Variants in MED12L observed in about 807,000 individuals in gnomAD.
The protein encoded by MED12L is mediator complex subunit 12L.
In MED12L, 60 loss-of-function variants were observed where a neutral mutation model predicts 281.3. The ratio of observed to expected loss-of-function variants is 0.21; its 90% CI spans 0.17 to 0.26. MED12L has a LOEUF of 0.26. Ranked by LOEUF, MED12L falls within the 10% of genes least tolerant of loss-of-function variation. The pLI is 1.00. For missense variants in MED12L, 2,146 were observed against 2,680.9 expected, an observed-to-expected ratio of 0.80 and a Z score of 4.41; for synonymous variants, 974 against 987.2, an observed-to-expected ratio of 0.99 and a Z score of 0.25.
chr3:151,287,996 C>G (rs1743762415), intron 16 of MED12L, among the ~76,000 whole-genome samples: 1 of 152,172 alleles, frequency 6.6e-6, no homozygotes, highest in South Asian at 2.1e-4. Flanking sequence ...TATCCCTTCC[C>G]AAATTTGGTT....
chr3:151,294,066 T>G, intron 16 of MED12L: 1 of 749,028 alleles, frequency 1.3e-6, no homozygotes, highest in East Asian at 2.5e-5. Flanking sequence ...TCATATCATT[T>G]TAGTTCTTTG....
Position 151,394,545 on chromosome 3 carries a change from A to T in MED12L, c.5609-111A>T, listed in dbSNP as rs1577550148. 3.3e-6 allele frequency: 5 copies of T among 1,516,176 alleles called. No homozygotes were observed. In the Admixed American group the frequency reaches 8.6e-5, roughly 26 times the overall value. The allele number at this position is 1,516,176 out of a possible 1,614,324, so 93.9% of individuals were successfully genotyped here. On this transcript the variant is annotated intron_variant, in intron 38 of 44. Coordinates refer to ENST00000687756, the MANE Select transcript of MED12L (RefSeq NM_001393769.1). ...CAGGTGGGACAGTGCATTTTTTTCT[A>T]CTTTGTTCATAAAGTGAGACTTAGA...
intron 14 of MED12L, among the ~76,000 whole-genome samples, chr3:151,191,201 T>C (rs928532730): frequency 1.3e-5 from 2 of 152,236 alleles, no homozygotes; most frequent in Non-Finnish European, 2.9e-5. Flanking sequence ...TTATATACTT[T>C]CAGTTCTAGA....
At chr3:151,340,292 A>C (rs144825964) in intron 16 of MED12L, among the ~76,000 whole-genome samples, 3 of 152,304 alleles carry the variant, frequency 2.0e-5, no homozygotes, top group African/African-American at 7.2e-5. Flanking sequence ...TATTCTTGAC[A>C]TTGAGAATTT....
intron 5 of MED12L, among the ~76,000 whole-genome samples, chr3:151,148,812 G>T (rs1718078528): frequency 6.6e-6 from 1 of 152,094 alleles, no homozygotes; most frequent in Non-Finnish European, 1.5e-5. Flanking sequence ...TTTCATATAT[G>T]GTTATATAAA....
Position 151,375,615 on chromosome 3 carries a change from A to G in MED12L, c.3865-411A>G, listed in dbSNP as rs145409089. Among the ~76,000 whole-genome samples, 22 of 152,306 alleles carry G rather than the reference A, an allele frequency of 1.4e-4. 1 individual carries two copies. In the East Asian group the frequency reaches 4.2e-3, roughly 29 times the overall value. Reference sequence around the variant, plus strand: ...GAAGATCGTTTTCTAAATATTTGTTATACTATGTTGTATCTAGTCAGTGAG... The same window carrying G: ...GAAGATCGTTTTCTAAATATTTGTTGTACTATGTTGTATCTAGTCAGTGAG... On this transcript the variant is annotated intron_variant, in intron 27 of 44. Coordinates refer to ENST00000687756, the MANE Select transcript of MED12L (RefSeq NM_001393769.1).
chr3:151,246,475 CAACTCT>C (rs1296192995), intron 16 of MED12L, among the ~76,000 whole-genome samples: 1 of 152,078 alleles, frequency 6.6e-6, no homozygotes, highest in African/African-American at 2.4e-5. Context: ...CGCATATCTA[CAACTCT>C]CTGATCTTTG....
chr3:151,317,742 G>A lies in MED12L; in HGVS notation c.2251-32317G>A, dbSNP rs1031436441. ...TGGGATTACATGTGTGAGCCACTGC[G>A]CCCGGCCACTTTTTCTGATTTGTAA... On this transcript the variant is annotated intron_variant, in intron 16 of 44. Coordinates refer to ENST00000687756, the MANE Select transcript of MED12L (RefSeq NM_001393769.1). Among the ~76,000 whole-genome samples the A allele has an allele frequency of 4.6e-5, 7 of 151,892 alleles. No individual in the cohort carries two copies. The East Asian group carries it at 1.2e-3, about 25-fold the overall frequency.
At chr3:151,379,052 A>G (rs1711731766) in intron 31 of MED12L, among the ~76,000 whole-genome samples, 1 of 152,258 alleles carries the variant, frequency 6.6e-6, no homozygotes, top group Non-Finnish European at 1.5e-5. Flanking sequence ...TAAATCCAGG[A>G]GGTCTGGCTT....
At chr3:151,359,757 C>G (rs147218021) in intron 20 of MED12L, among the ~76,000 whole-genome samples, 2 of 152,108 alleles carry the variant, frequency 1.3e-5, no homozygotes, top group African/African-American at 4.8e-5. Flanking sequence ...ATGGCTGAGC[C>G]CTGTAACAAA....
Position 151,376,231 on chromosome 3 carries a change from T to C in MED12L, c.4053+17T>C, listed in dbSNP as rs1450113973. ...ATTCTTCAGGTCAGTCGTATACAGA[T>C]TGTGTTTCTGTCATTTGATAAATTC... On this transcript the variant is annotated intron_variant, in intron 28 of 44. Transcript: ENST00000687756. 2 of 1,391,332 alleles carry C rather than the reference T, an allele frequency of 1.4e-6. No individual in the cohort carries two copies. The highest frequency in any genetic ancestry group is 1.9e-6 in the Non-Finnish European group (2 of 1,062,588). The allele number at this position is 1,391,332 out of a possible 1,614,324, so 86.2% of individuals were successfully genotyped here.
intron 16 of MED12L, among the ~76,000 whole-genome samples, chr3:151,333,849 A>G (rs1347091368): frequency 6.6e-6 from 1 of 151,984 alleles, no homozygotes; most frequent in Non-Finnish European, 1.5e-5. Flanking sequence ...GGAGGCCAAG[A>G]TGAGTGGATC....
Position 151,376,123 on chromosome 3 carries a change from A to G in MED12L, c.3962A>G (p.Lys1321Arg), listed in dbSNP as rs1756821548. The change falls in exon 28 of 45, where the codon AAA becomes AGA. Residue 1321 changes from lysine (K) to arginine (R), a missense_variant. By Grantham distance (26) the Lys-to-Arg change is conservative. Transcript: ENST00000687756. ...DPVLSNMQAQ[K>R]LLQLICYPHG... ...GTGCTTTCAAATATGCAAGCACAGA[A>G]ATTACTGCAGCTTATCTGTTATCCT... 1 of 1,611,280 alleles carries G rather than the reference A, an allele frequency of 6.2e-7. No homozygotes were observed. Among genetic ancestry groups the G allele is most frequent in the Non-Finnish European group, 8.5e-7 (1 of 1,178,984 alleles).
At chr3:151,112,948 A>G (rs1204713537) in intron 2 of MED12L, among the ~76,000 whole-genome samples, 3 of 152,230 alleles carry the variant, frequency 2.0e-5, no homozygotes, top group Non-Finnish European at 2.9e-5. Flanking sequence ...CAGGCACTGC[A>G]TCTGTGCACT....
At chr3:151,399,172 GTACT>G (rs1341735123) in intron 39 of MED12L, among the ~76,000 whole-genome samples, 1 of 152,104 alleles carries the variant, frequency 6.6e-6, no homozygotes, top group African/African-American at 2.4e-5. Flanking sequence ...ATACTATACT[GTACT>G]TACTTTATAG....
chr3:151,341,753 G>A (rs1751858783), intron 16 of MED12L, among the ~76,000 whole-genome samples: 1 of 133,482 alleles, frequency 7.5e-6, no homozygotes, highest in South Asian at 2.5e-4. Flanking sequence ...ACAGTCCCCA[G>A]AGTGTAGTGT....
chr3:151,322,490 T>C (rs1207754537), intron 16 of MED12L, among the ~76,000 whole-genome samples: 3 of 152,026 alleles, frequency 2.0e-5, no homozygotes, highest in Non-Finnish European at 2.9e-5. Context: ...AGCTACTGCA[T>C]CTGGCGCCCC....
intron 16 of MED12L, among the ~76,000 whole-genome samples, chr3:151,349,799 T>G (rs1478608475): frequency 1.3e-5 from 2 of 152,144 alleles, no homozygotes; most frequent in Non-Finnish European, 2.9e-5. Flanking sequence ...AAACTTACTT[T>G]GTAGGGTACG....
intron 16 of MED12L, among the ~76,000 whole-genome samples, chr3:151,313,100 C>T (rs1447760683): frequency 6.6e-6 from 1 of 152,188 alleles, no homozygotes; most frequent in Non-Finnish European, 1.5e-5. Flanking sequence ...AGCTTGCCCT[C>T]ATTAACACCA....
Sources: gnomAD v4.1 joint callset for allele counts (sites outside exome capture counted in the v4.1 genomes callset) on GRCh38, gnomAD v4.1.1 for gene constraint, MANE v1.5 for transcripts, NCBI Gene and HGNC (gene_info 2026-07-23, HGNC 2026-07-21) for gene names.